The following CEP72 variants were observed in gnomAD, a reference collection of about 807,000 sequenced individuals.
The protein encoded by CEP72 is centrosomal protein 72.
Under a neutral mutation model 65.7 loss-of-function variants are expected in CEP72, and 78 were observed. The ratio of observed to expected loss-of-function variants is 1.19; its 90% CI spans 0.99 to 1.43. The LOEUF (loss-of-function observed/expected upper bound fraction) is 1.43, where lower values mean the gene tolerates loss of function less well. Among genes scored for constraint, CEP72 ranks in the 40% most tolerant of loss-of-function variants. CEP72 has a pLI of 0.00. For missense variants in CEP72, 914 were observed against 832.9 expected, an observed-to-expected ratio of 1.10 and a Z score of -1.20; for synonymous variants, 358 against 351.7, an observed-to-expected ratio of 1.02 and a Z score of -0.20.
In CEP72 at chr5:612,350, T is replaced by C; in HGVS notation, c.-12T>C. The stretch of plus-strand genomic sequence containing the variant: ...CGCCGCGCAGGCGCCGTCCGAGGGC[T>C]CCGTTTGAAACATGGCGCGGGCTGG... On this transcript the variant is annotated 5_prime_UTR_variant, in exon 1 of 12. Transcript: ENST00000264935. 1 of 1,485,762 alleles carries C rather than the reference T, an allele frequency of 6.7e-7. No homozygotes were observed. Among genetic ancestry groups the C allele is most frequent in the Non-Finnish European group, 8.9e-7 (1 of 1,123,280 alleles). The allele number at this position is 1,485,762 out of a possible 1,614,324, so 92.0% of individuals were successfully genotyped here.
At chr5:643,595 G>A in intron 9 of CEP72, 2 of 985,356 alleles carry the variant, frequency 2.0e-6, no homozygotes, top group Non-Finnish European at 2.4e-6. Flanking sequence ...CTCCCCTGGT[G>A]GCAGTGAGCT....
At chr5:632,122 G>A in intron 4 of CEP72, among the ~76,000 whole-genome samples, 1 of 65,068 alleles carries the variant, frequency 1.5e-5, no homozygotes, top group Admixed American at 1.6e-4. Flanking sequence ...ACCAGTCCTG[G>A]TGGGGTTCTG....
Position 620,218 on chromosome 5 carries a change from C to T in CEP72, c.360C>T (p.Tyr120=). The T allele has an allele frequency of 6.2e-7, 1 of 1,614,160 alleles. No individual in the cohort carries two copies. The highest frequency in any genetic ancestry group is 8.5e-7 in the Non-Finnish European group (1 of 1,179,988). The change falls in exon 3 of 12, where the codon TAC becomes TAT. Residue 120 remains tyrosine (Y), a synonymous_variant. Transcript: ENST00000264935. The part of the protein sequence containing the change: ...LNPVVKVEPD[Y]RLFVVHLLPK... The stretch of plus-strand genomic sequence containing the variant: ...CCGTGGTGAAGGTTGAGCCTGACTA[C>T]CGCCTTTTTGTTGTGCACCTGCTCC...
the CEP72 span, among the ~76,000 whole-genome samples, chr5:672,905 C>G: frequency 3.3e-5 from 5 of 152,358 alleles, no homozygotes; most frequent in Admixed American, 2.0e-4. Context: ...AACATCAAAA[C>G]AAACAAGCGC....
chr5:640,255 G>A (rs537456778), intron 8 of CEP72, among the ~76,000 whole-genome samples, 153 bp from the exon 9 acceptor site: 6 of 152,180 alleles, frequency 3.9e-5, no homozygotes, highest in South Asian at 2.1e-4. Context: ...AGAGCCTGAG[G>A]TGGTTTTGTG....
chr5:637,686 T>C lies in CEP72; in HGVS notation c.1074T>C (p.His358=), dbSNP rs753929591. ...QEGLGCPERT[H]GSSVPKESLS... ...GTTTGGGCTGCCCGGAGAGAACTCA[T>C]GGGTCCTCCGTGCCCAAGGAGAGCC... Residue 358 remains histidine, a synonymous_variant, in exon 7 of 12, where the codon CAT becomes CAC. Coordinates refer to ENST00000264935, the MANE Select transcript of CEP72 (RefSeq NM_018140.4). 1.9e-6 allele frequency: 3 copies of C among 1,613,752 alleles called. No individual in the cohort carries two copies. Among genetic ancestry groups the C allele is most frequent in the South Asian group, 2.2e-5 (2 of 91,094 alleles).
At chr5:666,190 G>T in intron 4 of CEP72, 1 of 1,567,284 alleles carries the variant, frequency 6.4e-7, no homozygotes, top group Non-Finnish European at 8.6e-7. Context: ...CCACGCGTGG[G>T]TCTGAGCAGA....
chr5:635,237 A>G (rs2126780942), intron 5 of CEP72, 135 bp from the exon 6 acceptor site: 1 of 660,824 alleles, frequency 1.5e-6, no homozygotes, highest in Non-Finnish European at 2.6e-6. Context: ...GATTCATTTC[A>G]GTGTCACCCA....
In CEP72 at chr5:628,644, CCAGCCCCCTTCTTT is replaced by C. The variant is rs1561037255; in HGVS notation, c.512+4066_512+4079del. On this transcript the variant is annotated intron_variant, in intron 4 of 11. Coordinates refer to ENST00000264935, the MANE Select transcript of CEP72 (RefSeq NM_018140.4). ...AGTCCCCGGGGAGTGGCCCCAGGAC[CCAGCCCCCTTCTTT>C]GTGCAGCTTCTGGAGAACTCAGGTC... 2.3e-4 allele frequency among the ~76,000 whole-genome samples: 28 copies of C among 124,344 alleles called. 1 individual carries two copies. The highest frequency in any genetic ancestry group is 1.5e-3 in the South Asian group (5 of 3,338). The allele number at this position is 124,344 out of a possible 152,430, so 81.6% of individuals were successfully genotyped here.
the CEP72 span, among the ~76,000 whole-genome samples, chr5:675,614 C>T: frequency 6.6e-6 from 1 of 151,366 alleles, no homozygotes; most frequent in Non-Finnish European, 1.5e-5. Flanking sequence ...ACAGTGTGGC[C>T]GGGAGTGCAG....
At position 628,751 on chromosome 5, in the gene CEP72, G is replaced by A. The variant is rs796533400; in HGVS notation, c.512+4172G>A. Among the ~76,000 whole-genome samples, 62 of 115,764 alleles carry A rather than the reference G, an allele frequency of 5.4e-4. No homozygotes were observed. The East Asian group carries it at 7.2e-3, about 13-fold the overall frequency. 75.9% of individuals were successfully genotyped at this position (115,764 alleles called of 152,430 possible). ...GTGCAGCTTCTGGAGAACTCAGGTT[G>A]CAGTCCCCGGGGAGTGTTCCCACGA... is the stretch of plus-strand genomic sequence containing the variant. On this transcript the variant is annotated intron_variant, in intron 4 of 11. Coordinates refer to ENST00000264935, the MANE Select transcript of CEP72 (RefSeq NM_018140.4).
At position 624,431 on chromosome 5, in the gene CEP72, G is replaced by A. The variant is rs1199599218; in HGVS notation, c.404-40G>A. 9 of 1,510,064 alleles carry A rather than the reference G, an allele frequency of 6.0e-6. No individual in the cohort carries two copies. The highest frequency in any genetic ancestry group is 2.3e-5 in the East Asian group (1 of 44,136). The allele number at this position is 1,510,064 out of a possible 1,614,324, so 93.5% of individuals were successfully genotyped here. ...CCCAGGGTGGATGCAGCCGCCCGCC[G>A]CTTGCCACCTGCACAGTCTTGTGTG... On this transcript the variant is annotated intron_variant, in intron 3 of 11. Coordinates refer to ENST00000264935, the MANE Select transcript of CEP72 (RefSeq NM_018140.4). This position sits in a 1 kb window ranked among gnomAD's most constrained non-coding sequence, Gnocchi z 4.7.
At position 639,164 on chromosome 5, in the gene CEP72, GACC is replaced by G; in HGVS notation, c.1283_1285del (p.Asp428_Leu429delinsVal). 1 of 1,611,126 alleles carries G rather than the reference GACC, an allele frequency of 6.2e-7. No individual in the cohort carries two copies. The highest frequency in any genetic ancestry group is 1.1e-5 in the South Asian group (1 of 90,942). Reference sequence around the variant, plus strand: ...GGCGGCGCTCCTGGAGACGCTCTTGGACCTGGTGGACAGGAGCTGGGGCGGCTG... The same window carrying G: ...GGCGGCGCTCCTGGAGACGCTCTTGGTGGTGGACAGGAGCTGGGGCGGCTG... On this transcript the variant is annotated inframe_deletion, in exon 8 of 12. Coordinates refer to ENST00000264935, the MANE Select transcript of CEP72 (RefSeq NM_018140.4).
At chr5:613,103 T>C (rs1735778487) in intron 1 of CEP72, among the ~76,000 whole-genome samples, 1 of 152,364 alleles carries the variant, frequency 6.6e-6, no homozygotes, top group African/African-American at 2.4e-5. Flanking sequence ...CCGCGAGTCT[T>C]GGCTGTGTGG....
At chr5:617,558 G>T (rs1036260926) in intron 1 of CEP72, among the ~76,000 whole-genome samples, 2 of 152,166 alleles carry the variant, frequency 1.3e-5, no homozygotes, top group Non-Finnish European at 2.9e-5. Context: ...ACTGCACCTT[G>T]TCCCCTCCTG....
At chr5:616,795 GGTGTGTGTGTGTGTGTGTGTAT>G (rs1306400998) in intron 1 of CEP72, among the ~76,000 whole-genome samples, 1 of 139,040 alleles carries the variant, frequency 7.2e-6, no homozygotes, top group Admixed American at 7.2e-5. Flanking sequence ...GTGGACGAGG[GGTGTGTGTGTGTGTGTGTGTAT>G]GTGTGTGTGT....
rs1475530736 is a variant in CEP72 at position 612,633 on chromosome 5, G to T, written c.82+190G>T. 3 of 985,112 alleles carry T rather than the reference G, an allele frequency of 3.0e-6. No individual in the cohort carries two copies. In the African/African-American group the frequency reaches 5.2e-5, roughly 17 times the overall value. The allele number at this position is 985,112 out of a possible 1,614,324, so 61.0% of individuals were successfully genotyped here. ...GACCCACCCCCCGTGCCCAGGTGCG[G>T]CCCCTGCCCGCGTTCGGGTCCCGGC... On this transcript the variant is annotated intron_variant, in intron 1 of 11. Transcript: ENST00000264935.
intron 9 of CEP72, chr5:640,843 C>G: frequency 2.0e-6 from 2 of 985,478 alleles, no homozygotes; most frequent in Non-Finnish European, 2.4e-6. Context: ...CTCCCCGGGC[C>G]CAAGGGACCC....
At chr5:626,744 C>T (rs1270935415) in intron 4 of CEP72, among the ~76,000 whole-genome samples, 1 of 152,132 alleles carries the variant, frequency 6.6e-6, no homozygotes, top group Non-Finnish European at 1.5e-5. Context: ...CCCCCTGAGC[C>T]TGGGAGTTGG....
Sources: allele counts gnomAD v4.1 joint callset (sites outside exome capture counted in the v4.1 genomes callset), GRCh38; gene constraint gnomAD v4.1.1; non-coding constraint Gnocchi (gnomAD v3.1); transcripts MANE v1.5; gene names NCBI Gene and HGNC (gene_info 2026-07-23, HGNC 2026-07-21).